Variants in HMGXB3 observed in about 807,000 individuals in gnomAD.
HMGXB3 encodes the protein HMG-box containing 3.
HMGXB3 carries 45 observed loss-of-function variants against 121.5 expected under a neutral mutation model. The ratio of observed to expected loss-of-function variants is 0.37; its 90% CI spans 0.29 to 0.47. The LOEUF (loss-of-function observed/expected upper bound fraction) is 0.47, where lower values mean the gene tolerates loss of function less well. Among genes scored for constraint, HMGXB3 ranks in the 20% least tolerant of loss-of-function variants. HMGXB3 has a pLI of 0.99. For missense variants in HMGXB3, 1,376 were observed against 1,602.2 expected (o/e 0.86, Z 2.41); for synonymous variants, 590 against 624.1 (o/e 0.95, Z 0.81).
chr5:150,012,427 T>G, intron 5 of HMGXB3, 74 bp downstream of exon 5: 2 of 1,045,298 alleles, frequency 1.9e-6, no homozygotes, highest in South Asian at 1.4e-5. Context: ...GATTTGTCTT[T>G]TTTTCTTTCT....
At chr5:150,039,793 G>A (rs987391161) in intron 13 of HMGXB3, among the ~76,000 whole-genome samples, 4 of 152,186 alleles carry the variant, frequency 2.6e-5, no homozygotes, top group African/African-American at 9.7e-5. Context: ...TATGGGACCA[G>A]AGCTTTGCTC....
At chr5:150,015,869 G>C (rs1396721140) in intron 5 of HMGXB3, among the ~76,000 whole-genome samples, 1 of 152,072 alleles carries the variant, frequency 6.6e-6, no homozygotes, top group African/African-American at 2.4e-5. Flanking sequence ...TAAATTTATT[G>C]AGACTTGTCT....
chr5:150,047,542 C>G, intron 16 of HMGXB3, 82 bp from the exon 17 acceptor site: 1 of 1,509,258 alleles, frequency 6.6e-7, no homozygotes, highest in East Asian at 2.5e-5. Flanking sequence ...CTGGCTTCCA[C>G]TGTTTGCTGT....
intron 15 of HMGXB3, among the ~76,000 whole-genome samples, chr5:150,045,137 A>C (rs922469649): frequency 6.6e-6 from 1 of 152,226 alleles, no homozygotes. Context: ...GTAGTTCATT[A>C]CAAAGTGTCT....
chr5:150,024,954 T>G (rs1255571874), intron 7 of HMGXB3, among the ~76,000 whole-genome samples: 2 of 152,222 alleles, frequency 1.3e-5, no homozygotes, highest in African/African-American at 2.4e-5. Context: ...CTGGGCAGTA[T>G]TAAAACTATG....
chr5:150,001,963 T>G (rs1468873061), intron 1 of HMGXB3, among the ~76,000 whole-genome samples: 1 of 152,216 alleles, frequency 6.6e-6, no homozygotes, highest in Non-Finnish European at 1.5e-5. Context: ...AGCCTTGATT[T>G]GAACTACTGC....
intron 6 of HMGXB3, chr5:150,021,944 G>A (rs771858542): frequency 3.6e-5 from 17 of 467,772 alleles, no homozygotes; most frequent in Non-Finnish European, 4.7e-5. Context: ...CTTCCTGACC[G>A]ACTTGTTCCT....
At chr5:150,036,549 T>A in intron 11 of HMGXB3, 87 bp from the exon 12 acceptor site, 1 of 1,263,648 alleles carries the variant, frequency 7.9e-7, no homozygotes. Flanking sequence ...GCCCCATCTG[T>A]CTGCTGCTCC....
intron 4 of HMGXB3, among the ~76,000 whole-genome samples, chr5:150,011,164 G>C (rs1173226461): frequency 6.6e-6 from 1 of 152,260 alleles, no homozygotes; most frequent in East Asian, 1.9e-4. Flanking sequence ...CCTGTACCCA[G>C]GTCTTCCTGG....
intron 6 of HMGXB3, among the ~76,000 whole-genome samples, chr5:150,023,234 A>G (rs956881342): frequency 6.6e-6 from 1 of 152,084 alleles, no homozygotes; most frequent in Non-Finnish European, 1.5e-5. Flanking sequence ...ATTTAGTGAC[A>G]TTGGCACAGA....
intron 10 of HMGXB3, among the ~76,000 whole-genome samples, chr5:150,031,062 G>A (rs777610897): frequency 1.4e-4 from 21 of 152,226 alleles, no homozygotes; most frequent in Non-Finnish European, 2.4e-4. Flanking sequence ...TTTATAAAGT[G>A]TAGGACAGCT....
At chr5:150,028,561 T>A (rs373472727) in intron 9 of HMGXB3, among the ~76,000 whole-genome samples, 2,717 of 14,464 alleles carry the variant, frequency 0.19, 148 homozygotes, top group African/African-American at 0.24. Flanking sequence ...ATATATATAT[T>A]TTTTTTTTTT....
In HMGXB3 at chr5:150,006,546, G is replaced by C; in HGVS notation, c.211G>C (p.Glu71Gln). The change falls in exon 3 of 20, where the codon GAG (glutamate) becomes CAG (glutamine). Residue 71 changes from glutamate (E) to glutamine (Q), a missense_variant. Coordinates refer to ENST00000502717, the MANE Select transcript of HMGXB3 (RefSeq NM_014983.3). ...GGAGCTCCCCCACCTCCCTCAGTCT[G>C]AGATCAATAAGAAGATTAGTGAGAG... ...QQELPHLPQS[E>Q]INKKISESWR... 1 of 1,552,142 alleles carries C rather than the reference G, an allele frequency of 6.4e-7. No homozygotes were observed. The highest frequency in any genetic ancestry group is 8.7e-7 in the Non-Finnish European group (1 of 1,147,056).
chr5:150,043,708 T>A (rs1294192457), intron 15 of HMGXB3, among the ~76,000 whole-genome samples: 1 of 152,234 alleles, frequency 6.6e-6, no homozygotes, highest in African/African-American at 2.4e-5. Flanking sequence ...GTTCTTAATC[T>A]GTGCTAAGTG....
rs949751374 is a variant in HMGXB3 at position 150,024,543 on chromosome 5, G to A, written c.1323G>A (p.Thr441=). The A allele has an allele frequency of 6.4e-6, 10 of 1,551,610 alleles. No individual in the cohort carries two copies. Among genetic ancestry groups the A allele is most frequent in the Admixed American group, 2.0e-5 (1 of 50,984 alleles). The change falls in exon 7 of 20, where the codon ACG becomes ACA. Residue 441 remains threonine (T), a synonymous_variant. Coordinates refer to ENST00000502717, the MANE Select transcript of HMGXB3 (RefSeq NM_014983.3). ...PGNCGTAVTK[T]PVVKSGVQPE... is the part of the protein sequence containing the mutation. ...ATTGTGGTACAGCAGTCACTAAGAC[G>A]CCAGTCGTCAAAAGTGGTGTGCAGC...
chr5:150,042,968 T>G (rs982588566), intron 15 of HMGXB3, among the ~76,000 whole-genome samples: 5 of 152,206 alleles, frequency 3.3e-5, no homozygotes, highest in African/African-American at 1.2e-4. Context: ...CTGAATATAC[T>G]CATGAATATA....
intron 17 of HMGXB3, 90 bp from the exon 18 acceptor site, chr5:150,048,479 T>C (rs1366114605): frequency 1.1e-6 from 1 of 874,054 alleles, no homozygotes. Context: ...TTCTTTTGCT[T>C]TGGGTGTTGG....
chr5:150,050,181 A>G, intron 18 of HMGXB3, 71 bp from the exon 19 acceptor site: 1 of 1,314,038 alleles, frequency 7.6e-7, no homozygotes, highest in Non-Finnish European at 1.1e-6. Flanking sequence ...GGAAGAAGCG[A>G]GTGAGAACTG....
intron 7 of HMGXB3, among the ~76,000 whole-genome samples, chr5:150,026,463 C>A (rs1756232666): frequency 6.6e-6 from 1 of 152,202 alleles, no homozygotes; most frequent in Non-Finnish European, 1.5e-5. Flanking sequence ...TTCGCAATGA[C>A]CCCATACTGT....
Sources: allele counts gnomAD v4.1 joint callset (sites outside exome capture counted in the v4.1 genomes callset), GRCh38; gene constraint gnomAD v4.1.1; transcripts MANE v1.5; gene names NCBI Gene and HGNC (gene_info 2026-07-23, HGNC 2026-07-21).